ANKRD30A: variants seen among roughly 807,000 people sequenced by gnomAD.
ANKRD30A encodes the protein ankyrin repeat domain 30A, also known as ankyrin repeat domain-containing protein 30A.
Under a neutral mutation model 166.3 loss-of-function variants are expected in ANKRD30A, and 170 were observed. The observed-to-expected ratio is 1.02, with a 90% CI of 0.90 to 1.16. The LOEUF (loss-of-function observed/expected upper bound fraction) is 1.16, where lower values mean the gene tolerates loss of function less well. ANKRD30A is among the 50% of genes most tolerant of loss of function. The pLI is 0.00. For missense variants in ANKRD30A, 1,630 were observed against 1,518.0 expected, an observed-to-expected ratio of 1.07 and a Z score of -1.23; for synonymous variants, 564 against 508.9, an observed-to-expected ratio of 1.11 and a Z score of -1.46.
chr10:37,193,933 G>T (rs578232664), intron 27 of ANKRD30A, among the ~76,000 whole-genome samples: 3 of 152,268 alleles, frequency 2.0e-5, no homozygotes, highest in Admixed American at 6.5e-5. Flanking sequence ...GGTGGCACGT[G>T]CCTGTAATGA....
At chr10:37,234,127 T>C (rs577905652), downstream of ANKRD30A, among the ~76,000 whole-genome samples, 83 of 152,308 alleles carry the variant, frequency 5.4e-4, no homozygotes, top group African/African-American at 1.9e-3. Context: ...GTTGATGTCA[T>C]TTGCCAGTTC....
intron 15 of ANKRD30A, among the ~76,000 whole-genome samples, chr10:37,159,049 T>TA (rs1838618827): frequency 6.6e-6 from 1 of 152,290 alleles, no homozygotes; most frequent in East Asian, 1.9e-4. Flanking sequence ...CTTTTAATTT[T>TA]AAAAAATCAG....
chr10:37,261,239 A>G, the ANKRD30A span, among the ~76,000 whole-genome samples: 1 of 152,134 alleles, frequency 6.6e-6, no homozygotes. Flanking sequence ...GACATCCTTG[A>G]AAAAACAAGA....
At chr10:37,197,546 T>C (rs1365195484) in intron 29 of ANKRD30A, 66 bp downstream of exon 29, 10 of 1,606,950 alleles carry the variant, frequency 6.2e-6, no homozygotes, top group South Asian at 1.1e-5. Flanking sequence ...ATGGTCTTTC[T>C]ATCCCCAATG....
At position 37,193,088 on chromosome 10, in the gene ANKRD30A, T is replaced by A. The variant is rs779502544; in HGVS notation, c.2537T>A (p.Leu846Gln). Residue 846 changes from leucine to glutamine, a missense_variant, in exon 26 of 36, where the codon CTG (leucine) becomes CAG (glutamine). Physicochemically the swap from Leu to Gln is moderately radical, Grantham distance 113. Transcript: ENST00000361713. The stretch of plus-strand genomic sequence containing the variant: ...GAGTCTCCTGATAATGATGGTTTTC[T>A]GAAGGTAATAACTTTTATATTTTTA... ...LEESPDNDGF[L>Q]KAPCRMKVSI... 1.2e-6 allele frequency: 2 copies of A among 1,607,746 alleles called. No individual in the cohort carries two copies. The highest frequency in any genetic ancestry group is 2.2e-5 in the South Asian group (2 of 90,808).
chr10:37,265,580 C>T, the ANKRD30A span, among the ~76,000 whole-genome samples: 1 of 152,206 alleles, frequency 6.6e-6, no homozygotes, highest in East Asian at 1.9e-4. Flanking sequence ...ATGCCCACTG[C>T]CCAGGCCTGC....
At chr10:37,184,350 T>TC (rs1554821475) in intron 24 of ANKRD30A, 2 of 69,086 alleles carry the variant, frequency 2.9e-5, no homozygotes, top group Non-Finnish European at 6.7e-5. Flanking sequence ...TAATTTCTTT[T>TC]TTTTTTTTTT....
At chr10:37,199,256 C>A (rs1393450495) in intron 29 of ANKRD30A, among the ~76,000 whole-genome samples, 2 of 152,016 alleles carry the variant, frequency 1.3e-5, no homozygotes, top group African/African-American at 4.8e-5. Flanking sequence ...TGACTGACAT[C>A]AAAAAGTTAA....
At chr10:37,245,062 G>T in the ANKRD30A span, among the ~76,000 whole-genome samples, 3 of 152,070 alleles carry the variant, frequency 2.0e-5, no homozygotes, top group African/African-American at 7.2e-5. Flanking sequence ...AATAATTTGG[G>T]CAGAAAAGAG....
chr10:37,204,978 G>T (rs576054112), intron 31 of ANKRD30A, among the ~76,000 whole-genome samples: 2 of 152,240 alleles, frequency 1.3e-5, no homozygotes, highest in Admixed American at 6.5e-5. Flanking sequence ...TGGAGAAATA[G>T]GAACGCTTTT....
intron 25 of ANKRD30A, among the ~76,000 whole-genome samples, chr10:37,190,206 C>A (rs1263368126): frequency 6.6e-6 from 1 of 151,806 alleles, no homozygotes; most frequent in African/African-American, 2.4e-5. Flanking sequence ...CAGCTGAAAA[C>A]CTTGTTAACA....
chr10:37,216,403 T>TCCTCACA lies in ANKRD30A; in HGVS notation c.3083+12_3083+13insCACACCT. The TCCTCACA allele has an allele frequency of 1.3e-6, 2 of 1,574,946 alleles. No homozygotes were observed. The highest frequency in any genetic ancestry group is 1.4e-5 in the African/African-American group (1 of 72,446). On this transcript the variant is annotated intron_variant, in intron 32 of 35. Transcript: ENST00000361713. Reference sequence around the variant, plus strand: ...GAGCTCTGCAGTGTGAGGTGTGATTTCCTAGTTTTAAATAAATATTTCAGC... The same window carrying TCCTCACA: ...GAGCTCTGCAGTGTGAGGTGTGATTTCCTCACACCTAGTTTTAAATAAATATTTCAGC...
Position 37,125,786 on chromosome 10 carries a change from C to A in ANKRD30A, c.-2C>A. The A allele has an allele frequency of 3.0e-6, 2 of 659,534 alleles. No homozygotes were observed. The highest frequency in any genetic ancestry group is 5.3e-6 in the Non-Finnish European group (2 of 375,524). 40.9% of individuals were successfully genotyped at this position (659,534 alleles called of 1,614,324 possible). Reference sequence around the variant, plus strand: ...GGCACTCTCTAGCAGGTGGCCGCAGCCATGGAGGAGATCTCTGCCGCCGCT... The same window carrying A: ...GGCACTCTCTAGCAGGTGGCCGCAGACATGGAGGAGATCTCTGCCGCCGCT... On this transcript the variant is annotated 5_prime_UTR_variant, in exon 1 of 36. Coordinates refer to ENST00000361713, the MANE Select transcript of ANKRD30A (RefSeq NM_052997.3).
intron 31 of ANKRD30A, among the ~76,000 whole-genome samples, chr10:37,203,519 A>T (rs1331926785): frequency 6.6e-6 from 1 of 152,206 alleles, no homozygotes; most frequent in East Asian, 1.9e-4. Context: ...ACAAACCCAC[A>T]GCCAGTATCA....
chr10:37,201,033 G>T (rs1485350760), intron 30 of ANKRD30A, among the ~76,000 whole-genome samples: 8 of 151,930 alleles, frequency 5.3e-5, no homozygotes, highest in South Asian at 2.1e-4. Flanking sequence ...ATGGCCACAT[G>T]GACATAAAGA....
intron 4 of ANKRD30A, among the ~76,000 whole-genome samples, 198 bp from the exon 5 acceptor site, chr10:37,133,718 C>T (rs1836509854): frequency 6.6e-6 from 1 of 152,162 alleles, no homozygotes; most frequent in Non-Finnish European, 1.5e-5. Context: ...TTAGCCAATT[C>T]TAGTGTGCCA....
At chr10:37,212,400 C>G (rs1030287588) in intron 31 of ANKRD30A, among the ~76,000 whole-genome samples, 3 of 152,036 alleles carry the variant, frequency 2.0e-5, no homozygotes, top group Non-Finnish European at 4.4e-5. Context: ...ACATTCCACG[C>G]TTATGGGTAG....
intron 7 of ANKRD30A, among the ~76,000 whole-genome samples, chr10:37,144,268 G>A (rs778690747): frequency 7.2e-5 from 11 of 152,198 alleles, no homozygotes; most frequent in Middle Eastern, 6.8e-3. Flanking sequence ...CATGGACCTT[G>A]ATTTAATTCT....
At position 37,149,574 on chromosome 10, in the gene ANKRD30A, C is replaced by G. The variant is rs1180291923; in HGVS notation, c.1544-77C>G. The G allele has an allele frequency of 1.3e-5, 20 of 1,502,378 alleles. No homozygotes were observed. In the Admixed American group the frequency reaches 3.5e-4, roughly 26 times the overall value. The allele number at this position is 1,502,378 out of a possible 1,614,324, so 93.1% of individuals were successfully genotyped here. A position where few individuals can be genotyped will look rare whatever the true frequency, so the allele number is the denominator to read the frequency against. ...AAAGTCGACCAAGAGGAATCAGTTACATACTATGACTGCATTCATTTGGTT... is the reference window on the plus strand; with the variant it reads ...AAAGTCGACCAAGAGGAATCAGTTAGATACTATGACTGCATTCATTTGGTT... On this transcript the variant is annotated intron_variant, in intron 9 of 35. Coordinates refer to ENST00000361713, the MANE Select transcript of ANKRD30A (RefSeq NM_052997.3).
Sources: gnomAD v4.1 joint callset for allele counts (sites outside exome capture counted in the v4.1 genomes callset) on GRCh38, gnomAD v4.1.1 for gene constraint, MANE v1.5 for transcripts, NCBI Gene and HGNC (gene_info 2026-07-23, HGNC 2026-07-21) for gene names.